FAH: variants seen among roughly 807,000 people sequenced by gnomAD.
The protein encoded by FAH is fumarylacetoacetase.
A neutral mutation model predicts 55.8 loss-of-function variants in FAH; 47 were observed. That is an observed-to-expected ratio of 0.84 (90% CI 0.67 to 1.07). The LOEUF is 1.07. FAH is among the 50% of genes least tolerant of loss of function. FAH has a pLI of 0.00. For synonymous variants in FAH, 199 were observed against 207.7 expected (o/e 0.96, Z 0.36); for missense variants, 495 against 545.9 (o/e 0.91, Z 0.93).
At chr15:80,165,453 G>T (rs56860430) in intron 5 of FAH, among the ~76,000 whole-genome samples, 1 of 151,706 alleles carries the variant, frequency 6.6e-6, no homozygotes, top group African/African-American at 2.4e-5. Flanking sequence ...ACTTGAACCT[G>T]GGAGGCGGAG....
chr15:80,178,435 G>A (rs1343871076), intron 11 of FAH, among the ~76,000 whole-genome samples: 2 of 152,028 alleles, frequency 1.3e-5, no homozygotes, highest in East Asian at 3.9e-4. Flanking sequence ...TATAGAAATG[G>A]CATCATAAAG....
At chr15:80,186,370 T>A (rs1223349692), downstream of FAH, 1 of 700,790 alleles carries the variant, frequency 1.4e-6, no homozygotes, top group Non-Finnish European at 2.6e-6. Flanking sequence ...TGTCCACTTA[T>A]GATCGTGATT....
chr15:80,183,554 C>T (rs1196279791), intron 13 of FAH, among the ~76,000 whole-genome samples: 2 of 152,208 alleles, frequency 1.3e-5, no homozygotes, highest in Non-Finnish European at 2.9e-5. Flanking sequence ...ATGGTTTCTT[C>T]AGCTCTTCCC....
At chr15:80,183,744 G>A (rs2041349024) in intron 13 of FAH, among the ~76,000 whole-genome samples, 1 of 152,248 alleles carries the variant, frequency 6.6e-6, no homozygotes, top group African/African-American at 2.4e-5. Context: ...GCCAGACACT[G>A]TGCCAAGTGC....
At position 80,160,364 on chromosome 15, in the gene FAH, G is replaced by A. The variant is rs368045004; in HGVS notation, c.315-46G>A. The A allele has an allele frequency of 5.0e-6, 8 of 1,603,974 alleles. No individual in the cohort carries two copies. The African/African-American group carries it at 5.4e-5, about 11-fold the overall frequency. ...GGGCTGAGCCCGTGGGTGGGACCGC[G>A]CTTTGCTGCCTACTTGACTTTGAAG... is the stretch of plus-strand genomic sequence containing the variant. On this transcript the variant is annotated intron_variant, in intron 3 of 13. Transcript: ENST00000561421.
At chr15:80,181,784 C>T (rs545303917) in intron 13 of FAH, among the ~76,000 whole-genome samples, 68 of 152,230 alleles carry the variant, frequency 4.5e-4, no homozygotes, top group African/African-American at 1.6e-3. Context: ...CTTGCTCTCT[C>T]ATCCAATCTG....
intron 1 of FAH, among the ~76,000 whole-genome samples, chr15:80,153,399 A>G (rs1016052333): frequency 5.3e-5 from 8 of 151,850 alleles, no homozygotes; most frequent in African/African-American, 1.9e-4. Flanking sequence ...GAATCGTGTC[A>G]CTCTCCCAGA....
intron 13 of FAH, 80 bp from the exon 14 acceptor site, chr15:80,186,050 A>G (rs1258672220): frequency 9.3e-7 from 1 of 1,080,920 alleles, no homozygotes; most frequent in Non-Finnish European, 1.4e-6. Context: ...CTGTGTGCTG[A>G]CGGGCACTGC....
intron 7 of FAH, 127 bp downstream of exon 7, chr15:80,168,443 G>A: frequency 1.1e-6 from 1 of 889,462 alleles, no homozygotes; most frequent in Non-Finnish European, 1.9e-6. Flanking sequence ...CAGCCGCTCT[G>A]TGTCCCCACC....
chr15:80,177,484 C>T (rs2041293497), intron 10 of FAH, 53 bp from the exon 11 acceptor site: 2 of 1,458,004 alleles, frequency 1.4e-6, no homozygotes, highest in Non-Finnish European at 1.9e-6. Context: ...TTTTATTTTC[C>T]TCCCTGATGC....
At position 80,175,075 on chromosome 15, in the gene FAH, C is replaced by T. The variant is rs947679755; in HGVS notation, c.897C>T (p.Leu299=). The change falls in exon 10 of 14, where the codon CTC becomes CTT. Residue 299 remains leucine (L), a synonymous_variant. Transcript: ENST00000561421. ...HDEPYTFDIN[L]SVNLKGEGMS... is the part of the protein sequence containing the mutation. ...AGCCCTACACATTTGACATCAACCT[C>T]TCTGTTAACCTGAAAGGTATGTTGT... 2 of 1,613,984 alleles carry T rather than the reference C, an allele frequency of 1.2e-6. No individual in the cohort carries two copies. The highest frequency in any genetic ancestry group is 1.7e-6 in the Non-Finnish European group (2 of 1,179,846).
At chr15:80,173,650 ATC>A in intron 9 of FAH, 1 of 261,010 alleles carries the variant, frequency 3.8e-6, no homozygotes. Context: ...GCCTGTTGCA[ATC>A]TGCCCCACTC....
At chr15:80,154,239 C>T (rs1319717834) in intron 1 of FAH, among the ~76,000 whole-genome samples, 1 of 152,230 alleles carries the variant, frequency 6.6e-6, no homozygotes, top group Non-Finnish European at 1.5e-5. Flanking sequence ...TCCCTCTGCC[C>T]TCCTCAAACA....
chr15:80,155,173 C>T (rs1567113445), intron 1 of FAH, among the ~76,000 whole-genome samples: 1 of 152,178 alleles, frequency 6.6e-6, no homozygotes, highest in African/African-American at 2.4e-5. Context: ...CTCCCCGCTG[C>T]GGCCCAGCCT....
rs1466368564 is a variant in FAH, at chr15:80,180,221, G to A, written c.1058G>A (p.Gly353Glu). 1.2e-6 allele frequency: 2 copies of A among 1,605,396 alleles called. No homozygotes were observed. Among genetic ancestry groups the A allele is most frequent in the East Asian group, 2.2e-5 (1 of 44,862 alleles). Residue 353 changes from glycine to glutamate, a missense_variant, in exon 12 of 14, where the codon GGG becomes GAG. Transcript: ENST00000561421. ...CTCCTGGCTTCTGGGACCATCAGCG[G>A]GCCGGTGAGTATCTGGCTGCACTGA... Reference protein sequence around the residue: ...GDLLASGTISGPEPENFGSML... With the variant: ...GDLLASGTISEPEPENFGSML...
At chr15:80,165,572 G>A in intron 5 of FAH, among the ~76,000 whole-genome samples, 1 of 151,680 alleles carries the variant, frequency 6.6e-6, no homozygotes, top group East Asian at 1.9e-4. Flanking sequence ...GCGGGCGCCT[G>A]TAGTCCCGGC....
intron 7 of FAH, among the ~76,000 whole-genome samples, chr15:80,170,616 G>A (rs1006832447): frequency 6.6e-6 from 1 of 152,220 alleles, no homozygotes; most frequent in Non-Finnish European, 1.5e-5. Context: ...CCTGGTTTGG[G>A]GCCATGGTCT....
At chr15:80,155,900 C>T (rs900675678) in intron 1 of FAH, 12 of 478,272 alleles carry the variant, frequency 2.5e-5, no homozygotes, top group African/African-American at 2.2e-4. Flanking sequence ...TTCGCTATTT[C>T]TTCTACCGCT....
chr15:80,185,266 C>G (rs1186971316), intron 13 of FAH, among the ~76,000 whole-genome samples: 1 of 152,196 alleles, frequency 6.6e-6, no homozygotes, highest in Admixed American at 6.5e-5. Context: ...CAAATAGGGA[C>G]TGGAGGCTGT....
Sources: allele counts gnomAD v4.1 joint callset (sites outside exome capture counted in the v4.1 genomes callset), GRCh38; gene constraint gnomAD v4.1.1; transcripts MANE v1.5; gene names NCBI Gene and HGNC (gene_info 2026-07-23, HGNC 2026-07-21).